The following PLEKHG1 variants were observed in gnomAD, a reference collection of about 807,000 sequenced individuals.
PLEKHG1 encodes pleckstrin homology domain-containing family G member 1.
PLEKHG1 carries 44 observed loss-of-function variants against 100.8 expected under a neutral mutation model. The ratio of observed to expected loss-of-function variants is 0.44; its 90% CI spans 0.34 to 0.56. The LOEUF (loss-of-function observed/expected upper bound fraction) is 0.56. Among genes scored for constraint, PLEKHG1 ranks in the 20% least tolerant of loss-of-function variants. PLEKHG1 has a pLI of 0.01. For synonymous variants in PLEKHG1, 640 were observed against 662.5 expected, an observed-to-expected ratio of 0.97 and a Z score of 0.52; for missense variants, 1,545 against 1,720.9, an observed-to-expected ratio of 0.90 and a Z score of 1.81.
intron 10 of PLEKHG1, among the ~76,000 whole-genome samples, chr6:150,816,133 G>A (rs545050472): frequency 6.6e-6 from 1 of 152,016 alleles, no homozygotes; most frequent in Non-Finnish European, 1.5e-5. Context: ...GGGAGACAGC[G>A]ACACCCCAAG....
chr6:150,733,682 A>G (rs534703996), exon 2 of PLEKHG1: 51 of 1,614,158 alleles, frequency 3.2e-5, no homozygotes, highest in East Asian at 1.1e-4. Flanking sequence ...ACTGAAGACA[A>G]TGGAGCTCTC....
At chr6:150,707,660 A>C (rs993135716) in intron 3 of PLEKHG1, among the ~76,000 whole-genome samples, 1 of 151,780 alleles carries the variant, frequency 6.6e-6, no homozygotes, top group African/African-American at 2.4e-5. Context: ...CAAGCCCCCC[A>C]AAAATCTGTT....
chr6:150,719,913 A>G (rs571277687), upstream of PLEKHG1, among the ~76,000 whole-genome samples: 11 of 152,296 alleles, frequency 7.2e-5, no homozygotes, highest in East Asian at 1.9e-4. Flanking sequence ...TTAAATAGCC[A>G]TGTGTAGGTT....
At chr6:150,826,424 C>T (rs1776613114) in intron 14 of PLEKHG1, among the ~76,000 whole-genome samples, 1 of 152,152 alleles carries the variant, frequency 6.6e-6, no homozygotes, top group Non-Finnish European at 1.5e-5. Flanking sequence ...TGCCACTGTA[C>T]TTTAGCCTGG....
intron 1 of PLEKHG1, among the ~76,000 whole-genome samples, chr6:150,610,314 C>T (rs1776770035): frequency 6.6e-6 from 1 of 152,180 alleles, no homozygotes; most frequent in African/African-American, 2.4e-5. Context: ...ATTGGCCAGG[C>T]TGGTCCCGAA....
chr6:150,689,563 T>C (rs1287100664), intron 3 of PLEKHG1, among the ~76,000 whole-genome samples: 2 of 152,222 alleles, frequency 1.3e-5, no homozygotes, highest in African/African-American at 2.4e-5. Flanking sequence ...TACTTTTATG[T>C]TTCAGAAAAC....
rs7764618 is a variant in PLEKHG1, at chr6:150,804,593, G to A, written c.781-17G>A. 2.3e-3 allele frequency: 3,611 copies of A among 1,538,534 alleles called. 60 individuals are homozygous for A. In the African/African-American group the frequency reaches 0.042, roughly 18 times the overall value. On this transcript the variant is annotated splice_polypyrimidine_tract_variant and intron_variant, in intron 6 of 15. Coordinates refer to ENST00000358517, the Ensembl canonical transcript of PLEKHG1. ...TAAAATGAAAAAAAAAAAAACCCTC[G>A]TTCTTTTTTGTTTAAGGAAATAGAA...
rs79127349 is a variant in PLEKHG1 at position 150,656,557 on chromosome 6, T to C, written c.-99+5771T>C. Reference sequence around the variant, plus strand: ...GCCTCTGTTCAACAAGGAGGTGTTATAGGCAGGGTTTCCCAAACTTCATTA... The same window carrying C: ...GCCTCTGTTCAACAAGGAGGTGTTACAGGCAGGGTTTCCCAAACTTCATTA... On this transcript the variant is annotated intron_variant, in intron 3 of 3. Coordinates refer to the PLEKHG1 transcript ENST00000367326. 2.6e-3 allele frequency among the ~76,000 whole-genome samples: 402 copies of C among 152,366 alleles called. 1 individual carries two copies. The highest frequency in any genetic ancestry group is 4.6e-3 in the Non-Finnish European group (312 of 68,040).
chr6:150,661,035 G>A (rs150219812), intron 3 of PLEKHG1, among the ~76,000 whole-genome samples: 3 of 152,046 alleles, frequency 2.0e-5, no homozygotes, highest in Non-Finnish European at 4.4e-5. Flanking sequence ...GGGTCAAGGA[G>A]GGGGAGTGAA....
At chr6:150,618,025 T>C (rs1353388648) in intron 1 of PLEKHG1, among the ~76,000 whole-genome samples, 1 of 152,244 alleles carries the variant, frequency 6.6e-6, no homozygotes, top group Non-Finnish European at 1.5e-5. Flanking sequence ...TACACACATA[T>C]ACATATAAGT....
chr6:150,840,548 CAA>C lies in PLEKHG1; in HGVS notation c.3812_3813del (p.Lys1271ArgfsTer3), dbSNP rs1286722491. 6.2e-7 allele frequency: 1 copy of C among 1,614,140 alleles called. No individual in the cohort carries two copies. Among genetic ancestry groups the C allele is most frequent in the Non-Finnish European group, 8.5e-7 (1 of 1,180,008 alleles). ...CAACACAGAATTATTTTTCCAATTT[CAA>C]AGAGACTGATGGAGATGAAGATGAC... On this transcript the variant is annotated frameshift_variant, in exon 16 of 16. Coordinates refer to ENST00000358517, the Ensembl canonical transcript of PLEKHG1. LOFTEE classifies it low-confidence loss of function (END_TRUNC).
chr6:150,692,504 A>G (rs753360796), intron 3 of PLEKHG1, among the ~76,000 whole-genome samples: 2 of 152,254 alleles, frequency 1.3e-5, no homozygotes, highest in African/African-American at 2.4e-5. Context: ...GGCATGCTGG[A>G]AAGAAAAGAA....
At position 150,831,793 on chromosome 6, in the gene PLEKHG1, T is replaced by C; in HGVS notation, c.2682T>C (p.Pro894=). 6.2e-7 allele frequency: 1 copy of C among 1,612,994 alleles called. No homozygotes were observed. The highest frequency in any genetic ancestry group is 8.5e-7 in the Non-Finnish European group (1 of 1,179,348). ...GCTCTGTGTCCACGCTGTCCCTGCCTGAGAGCCAGGCTCTCCTCACGCCCG... is the reference window on the plus strand; with the variant it reads ...GCTCTGTGTCCACGCTGTCCCTGCCCGAGAGCCAGGCTCTCCTCACGCCCG... Residue 894 remains proline, a synonymous_variant, in exon 15 of 16, where the codon CCT becomes CCC. Transcript: ENST00000358517. This position sits in a 1 kb window ranked among gnomAD's most constrained non-coding sequence, Gnocchi z 4.1.
Position 150,830,222 on chromosome 6 carries a change from T to G in PLEKHG1, c.1471-360T>G, listed in dbSNP as rs140443937. Among the ~76,000 whole-genome samples, 432 of 152,286 alleles carry G rather than the reference T, an allele frequency of 2.8e-3. 4 individuals carry two copies. The highest frequency in any genetic ancestry group is 9.7e-3 in the African/African-American group (403 of 41,542). Reference sequence around the variant, plus strand: ...CATACCTAATTTCATAAAATGATTGTGAATATTAAGTTTGGAGAATGTCTG... The same window carrying G: ...CATACCTAATTTCATAAAATGATTGGGAATATTAAGTTTGGAGAATGTCTG... On this transcript the variant is annotated intron_variant, in intron 14 of 15. Transcript: ENST00000358517.
At chr6:150,782,358 C>T (rs1400918949) in intron 3 of PLEKHG1, among the ~76,000 whole-genome samples, 1 of 152,112 alleles carries the variant, frequency 6.6e-6, no homozygotes, top group Non-Finnish European at 1.5e-5. Context: ...CACGTCATTG[C>T]ACTCCAGCTT....
intron 10 of PLEKHG1, among the ~76,000 whole-genome samples, chr6:150,816,793 C>T (rs1009671641): frequency 3.9e-5 from 6 of 152,166 alleles, no homozygotes; most frequent in African/African-American, 1.4e-4. Flanking sequence ...TCTGTGCAGT[C>T]AAACCTCTCT....
chr6:150,679,663 A>C (rs1421492425), intron 3 of PLEKHG1, among the ~76,000 whole-genome samples: 3 of 152,224 alleles, frequency 2.0e-5, no homozygotes, highest in African/African-American at 4.8e-5. Context: ...TTGAGTATGT[A>C]CTCTGTGCCA....
intron 3 of PLEKHG1, among the ~76,000 whole-genome samples, chr6:150,655,181 G>A (rs1279818619): frequency 3.9e-5 from 6 of 152,166 alleles, no homozygotes; most frequent in African/African-American, 1.2e-4. Context: ...TACACTGCTG[G>A]TGGGAGTGTA....
intron 3 of PLEKHG1, among the ~76,000 whole-genome samples, chr6:150,770,138 C>G (rs1784650180): frequency 6.6e-6 from 1 of 152,212 alleles, no homozygotes; most frequent in Non-Finnish European, 1.5e-5. Context: ...CTACGATGCT[C>G]TTGATTTTGC....
Sources: allele counts gnomAD v4.1 joint callset (sites outside exome capture counted in the v4.1 genomes callset), GRCh38; gene constraint gnomAD v4.1.1; non-coding constraint Gnocchi (gnomAD v3.1); transcripts MANE v1.5; gene names NCBI Gene and HGNC (gene_info 2026-07-23, HGNC 2026-07-21).